Variants in KDM4C observed in about 807,000 individuals in gnomAD.
KDM4C encodes the protein lysine demethylase 4C.
Under a neutral mutation model 129.3 loss-of-function variants are expected in KDM4C, and 81 were observed. The ratio of observed to expected loss-of-function variants is 0.63; its 90% CI spans 0.52 to 0.75. The LOEUF (loss-of-function observed/expected upper bound fraction) is 0.75, where lower values mean the gene tolerates loss of function less well. KDM4C is among the 30% of genes least tolerant of loss of function. The probability of loss-of-function intolerance (pLI) is 0.00; values close to 1 mark genes in which losing one functional copy is unlikely to be tolerated. For missense variants in KDM4C, 1,457 were observed against 1,304.0 expected (o/e 1.12, Z -1.81); for synonymous variants, 573 against 456.1 (o/e 1.26, Z -3.26).
intron 1 of KDM4C, among the ~76,000 whole-genome samples, chr9:6,763,978 C>T (rs1424535200): frequency 2.6e-5 from 4 of 152,158 alleles, no homozygotes; most frequent in South Asian, 2.1e-4. Flanking sequence ...AGGCTGGTCT[C>T]GAACTCCCAA....
intron 18 of KDM4C, among the ~76,000 whole-genome samples, chr9:7,112,379 A>G (rs996525142): frequency 3.9e-5 from 6 of 152,246 alleles, no homozygotes; most frequent in African/African-American, 1.4e-4. Flanking sequence ...GATTAGAGAC[A>G]GGAAGCTGAT....
At chr9:6,790,146 C>T (rs1008788599) in intron 1 of KDM4C, among the ~76,000 whole-genome samples, 2 of 148,430 alleles carry the variant, frequency 1.3e-5, no homozygotes, top group Non-Finnish European at 1.5e-5. Flanking sequence ...TGGTGTGATC[C>T]GCTCGCCTTG....
chr9:7,170,322 G>C, intron 21 of KDM4C: 1 of 1,024,156 alleles, frequency 9.8e-7, no homozygotes, highest in African/African-American at 1.7e-5. Context: ...TTCATGGATT[G>C]ACTACCTTCT....
At chr9:6,798,781 G>A (rs1408298183) in intron 2 of KDM4C, among the ~76,000 whole-genome samples, 26 of 152,044 alleles carry the variant, frequency 1.7e-4, no homozygotes, top group Non-Finnish European at 2.5e-4. Flanking sequence ...GGTGGTGGCC[G>A]GGCAGAGGGG....
chr9:6,967,534 G>T (rs1365303226), intron 8 of KDM4C, among the ~76,000 whole-genome samples: 1 of 152,118 alleles, frequency 6.6e-6, no homozygotes, highest in Non-Finnish European at 1.5e-5. Context: ...AGTAAGTCTG[G>T]GTGCAAAAGG....
At chr9:7,137,623 A>G (rs1254212801) in intron 19 of KDM4C, among the ~76,000 whole-genome samples, 1 of 152,258 alleles carries the variant, frequency 6.6e-6, no homozygotes, top group Non-Finnish European at 1.5e-5. Context: ...GAAATTTTCC[A>G]GAGCTGACCT....
rs568879618 is a variant in KDM4C at position 7,053,658 on chromosome 9, A to G, written c.2424+4458A>G. On this transcript the variant is annotated intron_variant, in intron 17 of 21. Coordinates refer to ENST00000381309, the MANE Select transcript of KDM4C (RefSeq NM_015061.6). ...AAATACTTTAATAATTAACTTTTAA[A>G]AACCTAAAACATTTTAATGAAAAAT... Among the ~76,000 whole-genome samples, 24 of 152,330 alleles carry G rather than the reference A, an allele frequency of 1.6e-4. No homozygotes were observed. In the South Asian group the frequency reaches 4.8e-3, roughly 30 times the overall value.
At position 6,748,691 on chromosome 9, in the gene KDM4C, C is replaced by T. The variant is rs930611798; in HGVS notation, c.49+27694C>T. On this transcript the variant is annotated intron_variant, in intron 1 of 17. Transcript: ENST00000536108. ...TATCCTTCTCAACAATTTCTCACTTCATTGATCATTTCTAGTTGGAGACAC... is the reference window on the plus strand; with the variant it reads ...TATCCTTCTCAACAATTTCTCACTTTATTGATCATTTCTAGTTGGAGACAC... 2.2e-6 allele frequency: 3 copies of T among 1,358,338 alleles called. No individual in the cohort carries two copies. The South Asian group carries it at 3.5e-5, about 16-fold the overall frequency. 84.1% of individuals were successfully genotyped at this position (1,358,338 alleles called of 1,614,324 possible). A position where few individuals can be genotyped will look rare whatever the true frequency, so the allele number is the denominator to read the frequency against.
intron 1 of KDM4C, among the ~76,000 whole-genome samples, chr9:6,773,044 G>A (rs1822224867): frequency 6.7e-6 from 1 of 148,174 alleles, no homozygotes; most frequent in South Asian, 2.1e-4. Context: ...CTGTCACTCA[G>A]GCTAGAGTGG....
At chr9:7,081,332 G>T (rs1273547992) in intron 17 of KDM4C, among the ~76,000 whole-genome samples, 1 of 152,208 alleles carries the variant, frequency 6.6e-6, no homozygotes, top group African/African-American at 2.4e-5. Flanking sequence ...GCTAAGGGAA[G>T]AACTTAGTCT....
chr9:7,031,676 A>G (rs929480993), intron 15 of KDM4C, among the ~76,000 whole-genome samples: 9 of 151,944 alleles, frequency 5.9e-5, no homozygotes, highest in Middle Eastern at 3.4e-3. Context: ...TTATATATAT[A>G]TGTGTGTGTG....
At chr9:6,765,386 T>G (rs13287326) in intron 1 of KDM4C, among the ~76,000 whole-genome samples, 8 of 152,114 alleles carry the variant, frequency 5.3e-5, no homozygotes, top group Non-Finnish European at 8.8e-5. Context: ...ACCTGACCTG[T>G]TACTCATTTC....
chr9:6,817,906 A>G (rs919943818), intron 4 of KDM4C, among the ~76,000 whole-genome samples: 3 of 151,848 alleles, frequency 2.0e-5, no homozygotes, highest in African/African-American at 2.4e-5. Context: ...AGCTGGGATT[A>G]CAGGCACGTG....
intron 3 of KDM4C, among the ~76,000 whole-genome samples, chr9:6,808,800 A>G (rs894176072): frequency 3.3e-5 from 5 of 152,030 alleles, no homozygotes; most frequent in Non-Finnish European, 7.4e-5. Flanking sequence ...GAGGAGAATG[A>G]AGCTCTACTT....
At chr9:7,088,535 C>G (rs1835413567) in intron 17 of KDM4C, among the ~76,000 whole-genome samples, 1 of 152,154 alleles carries the variant, frequency 6.6e-6, no homozygotes, top group Non-Finnish European at 1.5e-5. Context: ...TTGTAGCCAG[C>G]TTTCTGGATC....
At chr9:6,849,477 TTCTC>T (rs746015248) in intron 4 of KDM4C, 26 bp from the exon 5 acceptor site, 2 of 1,506,566 alleles carry the variant, frequency 1.3e-6, no homozygotes, top group South Asian at 1.4e-5. Context: ...AAGATTTGAT[TTCTC>T]TCTCTTTTTT....
intron 8 of KDM4C, among the ~76,000 whole-genome samples, chr9:6,952,459 G>C (rs1412183467): frequency 6.7e-6 from 1 of 149,956 alleles, no homozygotes; most frequent in African/African-American, 2.4e-5. Flanking sequence ...ATGTTTTTTT[G>C]AGATGGAGTC....
rs531186287 is a variant in KDM4C, at chr9:6,806,316, G to A, written c.320+542G>A. 6.6e-5 allele frequency among the ~76,000 whole-genome samples: 10 copies of A among 152,070 alleles called. 1 individual carries two copies. The highest frequency in any genetic ancestry group is 2.0e-4 in the Admixed American group (3 of 15,254). On this transcript the variant is annotated intron_variant, in intron 3 of 21. Coordinates refer to ENST00000381309, the MANE Select transcript of KDM4C (RefSeq NM_015061.6). ...TCAAGACCAGTCTGATCAACATGGA[G>A]AAACCTTGTCTCCACTAAAACTACA...
At position 6,931,475 on chromosome 9, in the gene KDM4C, A is replaced by C. The variant is rs552360960; in HGVS notation, c.921+38243A>C. Among the ~76,000 whole-genome samples, 14 of 152,094 alleles carry C rather than the reference A, an allele frequency of 9.2e-5. No individual in the cohort carries two copies. The East Asian group carries it at 2.7e-3, about 29-fold the overall frequency. On this transcript the variant is annotated intron_variant, in intron 8 of 21. Coordinates refer to ENST00000381309, the MANE Select transcript of KDM4C (RefSeq NM_015061.6). ...GTCATTAGTTTTGTTGGGTCTGTGG[A>C]TGTCAGTAAGCAATAGTCATATATA...
Sources: gnomAD v4.1 joint callset for allele counts (sites outside exome capture counted in the v4.1 genomes callset) on GRCh38, gnomAD v4.1.1 for gene constraint, MANE v1.5 for transcripts, NCBI Gene and HGNC (gene_info 2026-07-23, HGNC 2026-07-21) for gene names.